Variants in GPC3 observed in about 807,000 individuals in gnomAD.
The protein encoded by GPC3 is glypican-3.
GPC3 carries 3 observed loss-of-function variants against 34.4 expected under a neutral mutation model. The observed-to-expected ratio is 0.09, with a 90% CI of 0.04 to 0.23. The LOEUF is 0.23. Ranked by LOEUF, GPC3 falls within the 10% of genes least tolerant of loss-of-function variation. The pLI is 1.00. For synonymous variants in GPC3, 177 were observed against 174.0 expected (o/e 1.02, Z -0.13); for missense variants, 351 against 445.6 (o/e 0.79, Z 1.91).
chrX:133,879,805 C>CA (rs35447286), intron 2 of GPC3, among the ~76,000 whole-genome samples: 4,852 of 90,331 alleles, frequency 0.054, 252 homozygotes, highest in African/African-American at 0.16. Context: ...GACTCCATCT[C>CA]AAAAAAAAAA....
intron 7 of GPC3, among the ~76,000 whole-genome samples, chrX:133,584,930 C>CAAAAAAAAAAAAAAAAAA (rs68159308): frequency 1.0e-4 from 7 of 68,251 alleles, no homozygotes; most frequent in East Asian, 4.8e-4. Context: ...TATAAAAAGC[C>CAAAAAAAAAAAAAAAAAA]AAAAAAAAAA....
At chrX:133,763,163 T>A in intron 2 of GPC3, 2 of 721,944 alleles carry the variant, frequency 2.8e-6, no homozygotes, top group Non-Finnish European at 4.3e-6. Flanking sequence ...CAGCTTCTTG[T>A]GGTTACTGAC....
chrX:133,892,695 G>A (rs941003181), intron 2 of GPC3, among the ~76,000 whole-genome samples: 5 of 110,303 alleles, frequency 4.5e-5, no homozygotes, highest in African/African-American at 1.7e-4. Context: ...AGGTCAAGCT[G>A]GAAGGGGGGT....
chrX:133,862,197 AT>A (rs2075940152), intron 2 of GPC3, among the ~76,000 whole-genome samples: 1 of 110,867 alleles, frequency 9.0e-6, no homozygotes, highest in Non-Finnish European at 1.9e-5. Context: ...TGCCAAAAAA[AT>A]CATTTACCAG....
chrX:133,808,583 G>T (rs1370923037), intron 2 of GPC3, among the ~76,000 whole-genome samples: 2 of 111,406 alleles, frequency 1.8e-5, no homozygotes, highest in African/African-American at 6.5e-5. Flanking sequence ...GCAGTATGGT[G>T]TCATGGAAAA....
At position 133,841,215 on chromosome X, in the gene GPC3, A is replaced by ATTTTTTTTTTTTTTTTTTTTTTTTTT. The variant is rs769696321; in HGVS notation, c.338-87040_338-87039insAAAAAAAAAAAAAAAAAAAAAAAAAA. ...ACCACCATGCCTGGCTAATCTTTTA[A>ATTTTTTTTTTTTTTTTTTTTTTTTTT]TTTTTTTTTTTTTTTTTTTTTTTGG... On this transcript the variant is annotated intron_variant, in intron 2 of 7. Coordinates refer to ENST00000370818, the MANE Select transcript of GPC3 (RefSeq NM_004484.4). Among the ~76,000 whole-genome samples, 26 of 39,240 alleles carry ATTTTTTTTTTTTTTTTTTTTTTTTTT rather than the reference A, an allele frequency of 6.6e-4. 8 individuals carry two copies. The highest frequency in any genetic ancestry group is 1.1e-3 in the Admixed American group (2 of 1,856). The allele number at this position is 39,240 out of a possible 115,157, so 34.1% of individuals were successfully genotyped here. A position where few individuals can be genotyped will look rare whatever the true frequency, so the allele number is the denominator to read the frequency against.
At chrX:133,617,733 T>C (rs1319846521) in intron 6 of GPC3, among the ~76,000 whole-genome samples, 3 of 111,875 alleles carry the variant, frequency 2.7e-5, no homozygotes, top group Admixed American at 9.5e-5. Flanking sequence ...AAAGATACTA[T>C]AATCAATCCC....
At chrX:133,575,489 T>C (rs1330150375) in intron 7 of GPC3, among the ~76,000 whole-genome samples, 3 of 111,389 alleles carry the variant, frequency 2.7e-5, no homozygotes, top group African/African-American at 6.5e-5. Context: ...TCCTCATGAG[T>C]ATGCATTTTC....
At chrX:133,964,051 C>A (rs982279176) in intron 1 of GPC3, among the ~76,000 whole-genome samples, 3 of 111,353 alleles carry the variant, frequency 2.7e-5, no homozygotes, top group African/African-American at 9.8e-5. Flanking sequence ...ACTCACTAAT[C>A]TCTTGACACA....
chrX:133,568,148 T>C (rs750479346), intron 7 of GPC3, among the ~76,000 whole-genome samples: 9 of 112,048 alleles, frequency 8.0e-5, no homozygotes, highest in Non-Finnish European at 1.3e-4. Flanking sequence ...TGACTTTTAA[T>C]TTAGAAACAG....
intron 6 of GPC3, among the ~76,000 whole-genome samples, chrX:133,602,356 G>A (rs1016985578): frequency 9.0e-6 from 1 of 111,376 alleles, no homozygotes; most frequent in Non-Finnish European, 1.9e-5. Flanking sequence ...TCCCCATACT[G>A]CAGGAGGTGA....
intron 2 of GPC3, among the ~76,000 whole-genome samples, chrX:133,863,222 T>C (rs568095183): frequency 3.6e-5 from 4 of 112,298 alleles, no homozygotes; most frequent in South Asian, 7.4e-4. Context: ...CCCTTGTCAA[T>C]AGAATAGCCA....
At chrX:133,749,873 T>C (rs1485665755) in intron 3 of GPC3, among the ~76,000 whole-genome samples, 2 of 110,665 alleles carry the variant, frequency 1.8e-5, no homozygotes, top group African/African-American at 3.3e-5. Flanking sequence ...GTGAATAGAG[T>C]TCTGCAGCTC....
chrX:133,985,175 A>C (rs897478630), intron 1 of GPC3, 100 bp downstream of exon 1: 2 of 951,425 alleles, frequency 2.1e-6, no homozygotes, highest in Non-Finnish European at 3.0e-6. Flanking sequence ...TGCAGGGCGC[A>C]CGACTACAGC....
At chrX:133,805,260 A>G (rs751405248) in intron 2 of GPC3, among the ~76,000 whole-genome samples, 33 of 112,382 alleles carry the variant, frequency 2.9e-4, no homozygotes, top group African/African-American at 1.1e-3. Context: ...ACAGGGATTT[A>G]CACCAGCCCA....
chrX:133,869,764 T>C (rs1445398360), intron 2 of GPC3, among the ~76,000 whole-genome samples: 2 of 110,984 alleles, frequency 1.8e-5, no homozygotes, highest in Non-Finnish European at 3.8e-5. Flanking sequence ...CCATCCTGGC[T>C]AACACGGTGA....
intron 2 of GPC3, among the ~76,000 whole-genome samples, chrX:133,845,137 T>C (rs1214630461): frequency 8.9e-6 from 1 of 111,755 alleles, no homozygotes; most frequent in Non-Finnish European, 1.9e-5. Flanking sequence ...ATAGATAAGG[T>C]GTTGGTCAGG....
intron 6 of GPC3, among the ~76,000 whole-genome samples, chrX:133,627,821 G>A (rs1460691401): frequency 1.8e-5 from 2 of 112,275 alleles, no homozygotes; most frequent in Admixed American, 9.4e-5. Flanking sequence ...AGTCTCTATG[G>A]GGAAATCTGC....
At chrX:133,652,123 A>T (rs1034157444) in intron 6 of GPC3, among the ~76,000 whole-genome samples, 1 of 112,150 alleles carries the variant, frequency 8.9e-6, no homozygotes, top group Non-Finnish European at 1.9e-5. Context: ...TCCAATTTCC[A>T]TCCCTTATTG....
Sources: gnomAD v4.1 joint callset for allele counts (sites outside exome capture counted in the v4.1 genomes callset) on GRCh38, gnomAD v4.1.1 for gene constraint, MANE v1.5 for transcripts, NCBI Gene and HGNC (gene_info 2026-07-23, HGNC 2026-07-21) for gene names.